The following CSMD1 variants were observed in gnomAD, a reference collection of about 807,000 sequenced individuals.
The protein encoded by CSMD1 is CUB and sushi domain-containing protein 1.
In CSMD1, 213 loss-of-function variants were observed where a neutral mutation model predicts 417.5. The observed-to-expected ratio is 0.51, with a 90% CI of 0.46 to 0.57. The LOEUF (loss-of-function observed/expected upper bound fraction) is 0.57, where lower values mean the gene tolerates loss of function less well. Ranked by LOEUF, CSMD1 falls within the 20% of genes least tolerant of loss-of-function variation. The pLI is 0.00. For synonymous variants in CSMD1, 2,862 were observed against 1,736.8 expected, an observed-to-expected ratio of 1.65 and a Z score of -16.11; for missense variants, 6,923 against 4,529.7, an observed-to-expected ratio of 1.53 and a Z score of -15.17.
At chr8:3,906,962 T>G (rs1563198712) in intron 5 of CSMD1, among the ~76,000 whole-genome samples, 1 of 152,216 alleles carries the variant, frequency 6.6e-6, no homozygotes. Context: ...ATACCAGTTA[T>G]CAGACAACTG....
chr8:3,182,192 AAAGAT>A (rs1821376924), intron 36 of CSMD1, among the ~76,000 whole-genome samples: 1 of 152,212 alleles, frequency 6.6e-6, no homozygotes, highest in Admixed American at 6.5e-5. Flanking sequence ...ACATTATTGA[AAAGAT>A]AAGATTGTCT....
rs116169222 is a variant in CSMD1 at position 3,551,920 on chromosome 8, G to C, written c.1344+23025C>G. Among the ~76,000 whole-genome samples the C allele has an allele frequency of 2.2e-3, 329 of 152,290 alleles. 2 individuals carry two copies. The highest frequency in any genetic ancestry group is 7.3e-3 in the African/African-American group (304 of 41,560). ...GGCATGTGGTACCTGTGTCAGTCCA[G>C]ACGTGGTTTTAGCTACTGAAAGATG... On this transcript the variant is annotated intron_variant, in intron 10 of 69. Transcript: ENST00000635120.
intron 1 of CSMD1, among the ~76,000 whole-genome samples, chr8:4,765,825 T>C (rs17071242): frequency 5.3e-5 from 8 of 152,136 alleles, no homozygotes; most frequent in African/African-American, 1.7e-4. Flanking sequence ...GAGTTAACAA[T>C]AGTTAGAGAG....
intron 1 of CSMD1, among the ~76,000 whole-genome samples, chr8:4,905,646 C>T (rs931731435): frequency 7.9e-5 from 12 of 151,538 alleles, no homozygotes; most frequent in South Asian, 2.1e-4. Flanking sequence ...GGTGAAACCC[C>T]GTCTCTACTA....
rs534245688 is a variant in CSMD1, at chr8:4,160,795, G to C, written c.416-128696C>G. ...ATGAAAGCATCATTTTACCCGTGAA[G>C]GTGGTGTACTGTAAATATCAGAAAA... is the stretch of plus-strand genomic sequence containing the variant. On this transcript the variant is annotated intron_variant, in intron 3 of 69. Transcript: ENST00000635120. Among the ~76,000 whole-genome samples, 25 of 152,320 alleles carry C rather than the reference G, an allele frequency of 1.6e-4. 1 individual carries two copies. In the South Asian group the frequency reaches 4.3e-3, roughly 26 times the overall value.
chr8:4,176,808 C>A (rs919381786), intron 3 of CSMD1, among the ~76,000 whole-genome samples: 1 of 147,860 alleles, frequency 6.8e-6, no homozygotes, highest in African/African-American at 2.5e-5. Context: ...GACTTTAAAC[C>A]AACAACGATC....
chr8:3,988,632 A>C (rs544832330), intron 5 of CSMD1, among the ~76,000 whole-genome samples: 1 of 152,214 alleles, frequency 6.6e-6, no homozygotes. Flanking sequence ...CGTTTAATAG[A>C]TAAATATGTA....
At position 2,938,633 on chromosome 8, in the gene CSMD1, C is replaced by G; in HGVS notation, c.10647G>C (p.Lys3549Asn). Residue 3549 changes from lysine to asparagine, a missense_variant, in exon 70 of 70, where the codon AAG becomes AAC. Coordinates refer to ENST00000635120, the MANE Select transcript of CSMD1 (RefSeq NM_033225.6). ...YDTNLKPTEA[K>N]AVRFDTTLNT... is the part of the protein sequence containing the mutation. ...TCAGAGTTGTGTCAAACCTCACAGC[C>G]TTGGCTTCTGTGGGTTTTAAGTTTG... 1 of 1,612,072 alleles carries G rather than the reference C, an allele frequency of 6.2e-7. No individual in the cohort carries two copies. Among genetic ancestry groups the G allele is most frequent in the Non-Finnish European group, 8.5e-7 (1 of 1,179,120 alleles).
chr8:3,777,954 C>A (rs1465626608), intron 5 of CSMD1, among the ~76,000 whole-genome samples: 1 of 152,114 alleles, frequency 6.6e-6, no homozygotes, highest in Non-Finnish European at 1.5e-5. Context: ...GTTCCCACTC[C>A]AGACCTGCAG....
At position 4,364,717 on chromosome 8, in the gene CSMD1, T is replaced by C. The variant is rs113351567; in HGVS notation, c.415+55236A>G. Among the ~76,000 whole-genome samples, 22 of 55,184 alleles carry C rather than the reference T, an allele frequency of 4.0e-4. 6 individuals carry two copies. In the South Asian group the frequency reaches 7.8e-3, roughly 20 times the overall value. 36.2% of individuals were successfully genotyped at this position (55,184 alleles called of 152,430 possible). A position where few individuals can be genotyped will look rare whatever the true frequency, so the allele number is the denominator to read the frequency against. ...GCGGGCGCCTGTAGTCCCAGCTACTTGGGAGGCTGAGGCAGGAGAATGGCG... is the reference window on the plus strand; with the variant it reads ...GCGGGCGCCTGTAGTCCCAGCTACTCGGGAGGCTGAGGCAGGAGAATGGCG... On this transcript the variant is annotated intron_variant, in intron 3 of 69. Coordinates refer to ENST00000635120, the MANE Select transcript of CSMD1 (RefSeq NM_033225.6).
At chr8:3,977,005 G>A (rs1447512655) in intron 5 of CSMD1, among the ~76,000 whole-genome samples, 3 of 152,176 alleles carry the variant, frequency 2.0e-5, no homozygotes, top group Non-Finnish European at 1.5e-5. Context: ...GGGTGGGGGC[G>A]TGAAGGTGCC....
At chr8:4,873,269 C>A (rs1176935538) in intron 1 of CSMD1, among the ~76,000 whole-genome samples, 1 of 152,060 alleles carries the variant, frequency 6.6e-6, no homozygotes, top group Non-Finnish European at 1.5e-5. Context: ...ATCAAAATCT[C>A]TTAAAAACTA....
At chr8:4,594,626 T>C (rs1309588741) in intron 2 of CSMD1, among the ~76,000 whole-genome samples, 2 of 152,186 alleles carry the variant, frequency 1.3e-5, no homozygotes, top group African/African-American at 4.8e-5. Flanking sequence ...AATATGTATT[T>C]GAACCTGGTC....
intron 1 of CSMD1, among the ~76,000 whole-genome samples, chr8:4,754,542 T>G (rs1169444532): frequency 3.7e-5 from 5 of 133,696 alleles, no homozygotes; most frequent in African/African-American, 1.6e-4. Context: ...ACTGCACACT[T>G]TGTTTTTTTT....
chr8:3,938,475 T>C (rs1400334732), intron 5 of CSMD1, among the ~76,000 whole-genome samples: 4 of 152,114 alleles, frequency 2.6e-5, no homozygotes, highest in Admixed American at 1.3e-4. Context: ...GATAAGTAAA[T>C]TGAGTACAGA....
At chr8:4,705,039 T>C (rs549201055) in intron 1 of CSMD1, among the ~76,000 whole-genome samples, 2 of 152,330 alleles carry the variant, frequency 1.3e-5, no homozygotes, top group South Asian at 2.1e-4. Context: ...ATTTTTCCCA[T>C]GCTGTTCTCA....
At chr8:3,725,704 GA>G (rs1802447900) in intron 6 of CSMD1, among the ~76,000 whole-genome samples, 2 of 121,144 alleles carry the variant, frequency 1.7e-5, no homozygotes, top group Admixed American at 8.5e-5. Flanking sequence ...CCACTGCAAT[GA>G]GAGAGTAGGC....
intron 1 of CSMD1, among the ~76,000 whole-genome samples, chr8:4,736,586 G>C (rs1265287666): frequency 6.6e-6 from 1 of 152,148 alleles, no homozygotes; most frequent in Admixed American, 6.6e-5. Context: ...AGGAAAATGG[G>C]TTTGCACATA....
At chr8:3,179,477 C>T (rs1248960189) in intron 37 of CSMD1, among the ~76,000 whole-genome samples, 2 of 152,078 alleles carry the variant, frequency 1.3e-5, no homozygotes, top group Admixed American at 1.3e-4. Context: ...ATATGTTAGT[C>T]TCTCTTTTTT....
Sources: allele counts gnomAD v4.1 joint callset (sites outside exome capture counted in the v4.1 genomes callset), GRCh38; gene constraint gnomAD v4.1.1; transcripts MANE v1.5; gene names NCBI Gene and HGNC (gene_info 2026-07-23, HGNC 2026-07-21).